Variants in PTPRT observed in about 807,000 individuals in gnomAD.
The protein encoded by PTPRT is receptor-type tyrosine-protein phosphatase T.
PTPRT carries 56 observed loss-of-function variants against 176.8 expected under a neutral mutation model. The observed-to-expected ratio is 0.32, with a 90% CI of 0.26 to 0.40. PTPRT has a LOEUF of 0.40. Among genes scored for constraint, PTPRT ranks in the 10% least tolerant of loss-of-function variants. The pLI, the probability that PTPRT is intolerant of heterozygous loss-of-function variation, is 1.00. For missense variants in PTPRT, 1,540 were observed against 1,908.2 expected (o/e 0.81, Z 3.60); for synonymous variants, 783 against 739.0 (o/e 1.06, Z -0.96).
chr20:43,011,179 C>A (rs1329007702), intron 1 of PTPRT, among the ~76,000 whole-genome samples: 1 of 152,098 alleles, frequency 6.6e-6, no homozygotes, highest in African/African-American at 2.4e-5. Context: ...TATGTTCCCA[C>A]AAACTCTACT....
intron 12 of PTPRT, among the ~76,000 whole-genome samples, chr20:42,297,350 C>T (rs1002271609): frequency 4.6e-5 from 7 of 152,058 alleles, no homozygotes; most frequent in African/African-American, 1.7e-4. Flanking sequence ...CACACAAAAC[C>T]TGTATAAAGA....
intron 7 of PTPRT, among the ~76,000 whole-genome samples, chr20:42,652,029 C>G (rs1174118644): frequency 2.0e-5 from 3 of 150,050 alleles, no homozygotes; most frequent in Non-Finnish European, 4.4e-5. Flanking sequence ...GCCTGGGCAA[C>G]AGAGCGAGAC....
chr20:42,908,990 T>C (rs754625631), intron 1 of PTPRT, among the ~76,000 whole-genome samples: 1 of 151,950 alleles, frequency 6.6e-6, no homozygotes, highest in Non-Finnish European at 1.5e-5. Flanking sequence ...ATCCCATCTA[T>C]AAACAAAATA....
intron 24 of PTPRT, 35 bp from the exon 25 acceptor site, chr20:42,104,753 G>T (rs755702374): frequency 2.0e-6 from 3 of 1,528,484 alleles, no homozygotes; most frequent in Non-Finnish European, 2.7e-6. Context: ...GGGGTGCCAG[G>T]TAAGAACAGT....
intron 1 of PTPRT, among the ~76,000 whole-genome samples, chr20:42,909,474 T>C (rs2079518186): frequency 6.6e-6 from 1 of 152,186 alleles, no homozygotes; most frequent in South Asian, 2.1e-4. Flanking sequence ...TCTGAACATA[T>C]TGCACACAGC....
chr20:42,570,184 T>C (rs895781652), intron 7 of PTPRT, among the ~76,000 whole-genome samples: 11 of 152,160 alleles, frequency 7.2e-5, no homozygotes, highest in African/African-American at 2.4e-4. Context: ...CTCCCATCTG[T>C]ACCTCCTTGA....
At chr20:42,910,657 C>T (rs1040043356) in intron 1 of PTPRT, among the ~76,000 whole-genome samples, 4 of 152,058 alleles carry the variant, frequency 2.6e-5, no homozygotes, top group South Asian at 2.1e-4. Flanking sequence ...TTTTTCTCCA[C>T]GCAGCCTTGG....
chr20:43,132,677 T>C (rs542441032), intron 1 of PTPRT, among the ~76,000 whole-genome samples: 277 of 152,222 alleles, frequency 1.8e-3, no homozygotes, highest in Non-Finnish European at 3.5e-3. Context: ...GAGTAAAACA[T>C]AATGCTGTAA....
chr20:42,594,934 T>G (rs1306752361), intron 7 of PTPRT, among the ~76,000 whole-genome samples: 1 of 152,174 alleles, frequency 6.6e-6, no homozygotes, highest in Non-Finnish European at 1.5e-5. Flanking sequence ...TGAATGTTTA[T>G]AAATGTTAGA....
rs147041497 is a variant in PTPRT, at chr20:42,950,225, G to A, written c.89-64293C>T. Among the ~76,000 whole-genome samples the A allele has an allele frequency of 2.5e-4, 38 of 152,272 alleles. No homozygotes were observed. The East Asian group carries it at 6.9e-3, about 28-fold the overall frequency. The stretch of plus-strand genomic sequence containing the variant: ...CTTGGCTTCAAACTGAACTCCCCAC[G>A]CCTTCTCACAGAGCTGATCTGTCTA... On this transcript the variant is annotated intron_variant, in intron 1 of 30. Coordinates refer to ENST00000373187, the MANE Select transcript of PTPRT (RefSeq NM_007050.6).
At chr20:43,046,281 G>A (rs972913837) in intron 1 of PTPRT, among the ~76,000 whole-genome samples, 6 of 152,210 alleles carry the variant, frequency 3.9e-5, no homozygotes, top group Admixed American at 2.6e-4. Context: ...GGCCTAAAAA[G>A]GCTACTGAGG....
intron 1 of PTPRT, among the ~76,000 whole-genome samples, chr20:43,111,394 A>T (rs985538705): frequency 4.6e-5 from 7 of 151,920 alleles, no homozygotes; most frequent in Non-Finnish European, 1.0e-4. Flanking sequence ...AAATACAAAA[A>T]TTAGCCGGGC....
intron 2 of PTPRT, among the ~76,000 whole-genome samples, chr20:42,853,301 T>C (rs1056557064): frequency 3.9e-5 from 6 of 152,188 alleles, no homozygotes; most frequent in African/African-American, 1.2e-4. Flanking sequence ...AGGAGACTTA[T>C]GGAAATTGGC....
intron 1 of PTPRT, among the ~76,000 whole-genome samples, chr20:43,085,183 G>A (rs1171919873): frequency 6.6e-6 from 1 of 152,198 alleles, no homozygotes; most frequent in African/African-American, 2.4e-5. Flanking sequence ...GCAGCTAGGA[G>A]GCATGGATGC....
chr20:43,086,448 C>T (rs1046307812), intron 1 of PTPRT, among the ~76,000 whole-genome samples: 7 of 152,212 alleles, frequency 4.6e-5, no homozygotes, highest in African/African-American at 9.6e-5. Context: ...AAAGATCACA[C>T]GTACTGTGTT....
At chr20:43,170,315 C>T (rs2014965731) in intron 1 of PTPRT, among the ~76,000 whole-genome samples, 1 of 151,988 alleles carries the variant, frequency 6.6e-6, no homozygotes, top group Admixed American at 6.6e-5. Flanking sequence ...ACTATTATTC[C>T]CATTTGCTAG....
At chr20:42,201,730 CAAA>C (rs57007206) in intron 15 of PTPRT, among the ~76,000 whole-genome samples, 4,211 of 74,050 alleles carry the variant, frequency 0.057, 96 homozygotes, top group African/African-American at 0.15. Flanking sequence ...GAACCAGAGG[CAAA>C]AAAAAAAAAA....
intron 7 of PTPRT, among the ~76,000 whole-genome samples, chr20:42,640,577 T>G (rs1188860261): frequency 1.3e-5 from 2 of 152,064 alleles, no homozygotes; most frequent in East Asian, 3.9e-4. Context: ...TTAGCAGAGA[T>G]AGGTTTTCAC....
intron 2 of PTPRT, among the ~76,000 whole-genome samples, chr20:42,840,562 A>G (rs917978866): frequency 5.9e-5 from 9 of 151,958 alleles, no homozygotes; most frequent in Admixed American, 2.0e-4. Context: ...ACAGGCATGC[A>G]CCACCAAGCT....
Sources: gnomAD v4.1 joint callset for allele counts (sites outside exome capture counted in the v4.1 genomes callset) on GRCh38, gnomAD v4.1.1 for gene constraint, MANE v1.5 for transcripts, NCBI Gene and HGNC (gene_info 2026-07-23, HGNC 2026-07-21) for gene names.